Variants in CDC123 observed in about 807,000 individuals in gnomAD.
CDC123 encodes the protein cell division cycle 123, also known as translation initiation factor eIF2 assembly protein.
Under a neutral mutation model 54.4 loss-of-function variants are expected in CDC123, and 37 were observed. The ratio of observed to expected loss-of-function variants is 0.68; its 90% CI spans 0.52 to 0.89. The LOEUF (loss-of-function observed/expected upper bound fraction) is 0.89, where lower values mean the gene tolerates loss of function less well. Ranked by LOEUF, CDC123 falls within the 40% of genes least tolerant of loss-of-function variation. The probability of loss-of-function intolerance (pLI) is 0.00; values close to 1 mark genes in which losing one functional copy is unlikely to be tolerated. For synonymous variants in CDC123, 144 were observed against 136.8 expected, an observed-to-expected ratio of 1.05 and a Z score of -0.37; for missense variants, 361 against 412.1, an observed-to-expected ratio of 0.88 and a Z score of 1.07.
chr10:12,226,296 C>T (rs1356731526), intron 6 of CDC123, among the ~76,000 whole-genome samples: 1 of 152,070 alleles, frequency 6.6e-6, no homozygotes, highest in East Asian at 1.9e-4. Flanking sequence ...GACGGCGTGG[C>T]GGCTGGGCAG....
chr10:12,211,137 G>A (rs1468565814), intron 4 of CDC123, among the ~76,000 whole-genome samples: 1 of 152,208 alleles, frequency 6.6e-6, no homozygotes. Context: ...TAAGAGTGCT[G>A]TTGTGAAAGT....
At chr10:12,197,398 C>T (rs1038573813) in intron 1 of CDC123, among the ~76,000 whole-genome samples, 14 of 149,480 alleles carry the variant, frequency 9.4e-5, no homozygotes, top group African/African-American at 3.2e-4. Flanking sequence ...TTTTTTGAGA[C>T]AGAGTTTTGT....
intron 8 of CDC123, among the ~76,000 whole-genome samples, chr10:12,236,327 T>G (rs1447821085): frequency 2.0e-5 from 3 of 152,180 alleles, no homozygotes; most frequent in Non-Finnish European, 4.4e-5. Flanking sequence ...GGCAAGGTGC[T>G]GTGGCTCACA....
chr10:12,243,011 T>A (rs112977071), intron 10 of CDC123, among the ~76,000 whole-genome samples: 6,298 of 152,274 alleles, frequency 0.041, 404 homozygotes, highest in African/African-American at 0.14. Context: ...GGGTTTTTTT[T>A]AATTTACTTA....
intron 10 of CDC123, among the ~76,000 whole-genome samples, chr10:12,241,162 TAGTA>T (rs71513320): frequency 0.33 from 50,764 of 151,726 alleles, 9,985 homozygotes; most frequent in African/African-American, 0.54. Context: ...CTATTTTTCT[TAGTA>T]AGTGAGGATG....
chr10:12,234,093 T>G, intron 7 of CDC123, among the ~76,000 whole-genome samples: 1 of 152,168 alleles, frequency 6.6e-6, no homozygotes. Flanking sequence ...TTACTATATT[T>G]TATTTTATTT....
At chr10:12,246,004 A>G (rs1319552824) in intron 10 of CDC123, 145 bp from the exon 11 acceptor site, 11 of 789,330 alleles carry the variant, frequency 1.4e-5, no homozygotes, top group Admixed American at 5.1e-5. Flanking sequence ...CAGGAGGTCG[A>G]GGCTGCAGTG....
rs1368869057 is a variant in CDC123 at position 12,244,971 on chromosome 10, T to C, written c.718-1178T>C. 4 of 152,614 alleles carry C rather than the reference T, an allele frequency of 2.6e-5. No individual in the cohort carries two copies. In the East Asian group the frequency reaches 7.7e-4, roughly 30 times the overall value. The allele number at this position is 152,614 out of a possible 1,614,324, so 9.5% of individuals were successfully genotyped here. A position where few individuals can be genotyped will look rare whatever the true frequency, so the allele number is the denominator to read the frequency against. ...TTGCAGTGAGCCGAGATCGCACCATTGTACTCCATCCTGGGCAACAGAGTG... is the reference window on the plus strand; with the variant it reads ...TTGCAGTGAGCCGAGATCGCACCATCGTACTCCATCCTGGGCAACAGAGTG... On this transcript the variant is annotated intron_variant, in intron 10 of 12. Coordinates refer to ENST00000281141, the MANE Select transcript of CDC123 (RefSeq NM_006023.3).
intron 6 of CDC123, among the ~76,000 whole-genome samples, chr10:12,228,787 C>T (rs1835861394): frequency 6.6e-6 from 1 of 152,218 alleles, no homozygotes; most frequent in Non-Finnish European, 1.5e-5. Context: ...TTAGGCTGGT[C>T]TCGAACTCCC....
intron 6 of CDC123, among the ~76,000 whole-genome samples, chr10:12,230,655 G>A (rs1835887675): frequency 6.6e-6 from 1 of 151,796 alleles, no homozygotes; most frequent in South Asian, 2.1e-4. Context: ...GTTGTTGACT[G>A]TAGTCACCCT....
intron 2 of CDC123, among the ~76,000 whole-genome samples, chr10:12,200,326 C>T (rs1342567449): frequency 6.6e-6 from 1 of 151,168 alleles, no homozygotes; most frequent in East Asian, 2.0e-4. Context: ...GGGGTTTCAC[C>T]ATGTTGGCCG....
intron 10 of CDC123, among the ~76,000 whole-genome samples, chr10:12,240,408 T>C (rs1456227148): frequency 2.0e-5 from 3 of 152,236 alleles, no homozygotes; most frequent in Non-Finnish European, 4.4e-5. Flanking sequence ...GTCATTTGAA[T>C]CTGAATCACC....
At chr10:12,241,963 C>T (rs1218982343) in intron 10 of CDC123, among the ~76,000 whole-genome samples, 22 of 103,414 alleles carry the variant, frequency 2.1e-4, no homozygotes, top group Non-Finnish European at 2.3e-5. Flanking sequence ...TTCTGTTCTT[C>T]GGGTTCTTGT....
At chr10:12,235,860 G>A (rs1354994674) in intron 8 of CDC123, among the ~76,000 whole-genome samples, 1 of 152,180 alleles carries the variant, frequency 6.6e-6, no homozygotes, top group Non-Finnish European at 1.5e-5. Flanking sequence ...AAAGCGGGGG[G>A]TCCTGTTGGC....
In CDC123 at chr10:12,199,350, G is replaced by A. The variant is rs149006559; in HGVS notation, c.146+574G>A. Among the ~76,000 whole-genome samples the A allele has an allele frequency of 3.9e-5, 6 of 152,296 alleles. No homozygotes were observed. In the East Asian group the frequency reaches 7.7e-4, roughly 20 times the overall value. On this transcript the variant is annotated intron_variant, in intron 2 of 12. Coordinates refer to ENST00000281141, the MANE Select transcript of CDC123 (RefSeq NM_006023.3). Reference sequence around the variant, plus strand: ...TAATTCGAGTCTGCTCAGAAGTCACGTTATGAGTGTTCAGCCCTCACCAGC... The same window carrying A: ...TAATTCGAGTCTGCTCAGAAGTCACATTATGAGTGTTCAGCCCTCACCAGC...
At chr10:12,214,658 A>C (rs147161870) in intron 4 of CDC123, among the ~76,000 whole-genome samples, 8 of 151,520 alleles carry the variant, frequency 5.3e-5, no homozygotes, top group Non-Finnish European at 8.8e-5. Flanking sequence ...ATGTTTTAAA[A>C]CTCATTTCTT....
intron 2 of CDC123, 49 bp from the exon 3 acceptor site, chr10:12,209,918 G>A (rs1835574376): frequency 6.4e-7 from 1 of 1,570,982 alleles, no homozygotes; most frequent in Non-Finnish European, 8.8e-7. Flanking sequence ...TTAGGAGCAT[G>A]CGGTGCCCAA....
intron 6 of CDC123, among the ~76,000 whole-genome samples, chr10:12,229,873 CTG>C (rs1394972531): frequency 6.6e-6 from 1 of 152,194 alleles, no homozygotes; most frequent in African/African-American, 2.4e-5. Flanking sequence ...ATTCAGTTAA[CTG>C]TGTGACTTTC....
intron 11 of CDC123, among the ~76,000 whole-genome samples, chr10:12,248,983 C>A (rs1051601452): frequency 6.6e-6 from 1 of 151,492 alleles, no homozygotes; most frequent in Non-Finnish European, 1.5e-5. Flanking sequence ...TGGTGACGCG[C>A]GCCTGTAGTC....
Sources: gnomAD v4.1 joint callset for allele counts (sites outside exome capture counted in the v4.1 genomes callset) on GRCh38, gnomAD v4.1.1 for gene constraint, MANE v1.5 for transcripts, NCBI Gene and HGNC (gene_info 2026-07-23, HGNC 2026-07-21) for gene names.